The following HS3ST4 variants were observed in gnomAD, a reference collection of about 807,000 sequenced individuals.
The protein encoded by HS3ST4 is heparan sulfate glucosamine 3-O-sulfotransferase 4.
HS3ST4 carries 17 observed loss-of-function variants against 29.2 expected under a neutral mutation model. That is an observed-to-expected ratio of 0.58 (90% CI 0.40 to 0.87). The LOEUF (loss-of-function observed/expected upper bound fraction) is 0.87, where lower values mean the gene tolerates loss of function less well. HS3ST4 is among the 40% of genes least tolerant of loss of function. HS3ST4 has a pLI of 0.00. For missense variants in HS3ST4, 627 were observed against 634.5 expected (o/e 0.99, Z 0.13); for synonymous variants, 314 against 285.7 (o/e 1.10, Z -1.00).
chr16:25,859,606 C>T (rs1025830455), intron 1 of HS3ST4, among the ~76,000 whole-genome samples: 1 of 152,134 alleles, frequency 6.6e-6, no homozygotes, highest in Non-Finnish European at 1.5e-5. Context: ...TTTTGAGCAT[C>T]CTGTCTTGAT....
chr16:26,135,058 C>T (rs1219743498), intron 1 of HS3ST4, among the ~76,000 whole-genome samples: 1 of 151,432 alleles, frequency 6.6e-6, no homozygotes, highest in South Asian at 2.1e-4. Context: ...ACAAATCATT[C>T]TTATCTGTGA....
At chr16:25,920,608 CT>C (rs765957650) in intron 1 of HS3ST4, among the ~76,000 whole-genome samples, 115 of 133,744 alleles carry the variant, frequency 8.6e-4, no homozygotes, top group Middle Eastern at 3.8e-3. Context: ...CCCCACCCCT[CT>C]TTTTTTTTTT....
chr16:25,735,359 G>A lies in HS3ST4; in HGVS notation c.734+42208G>A, dbSNP rs115433479. 5.1e-3 allele frequency among the ~76,000 whole-genome samples: 770 copies of A among 152,062 alleles called. 4 individuals are homozygous for A. Among genetic ancestry groups the A allele is most frequent in the African/African-American group, 0.017 (723 of 41,478 alleles). ...TCTTTCCAATTCTTTGCTCTGCTCT[G>A]TGTTGACTCTGTTCTCATGTGTACT... On this transcript the variant is annotated intron_variant, in intron 1 of 1. Coordinates refer to ENST00000331351, the MANE Select transcript of HS3ST4 (RefSeq NM_006040.3).
intron 1 of HS3ST4, among the ~76,000 whole-genome samples, chr16:25,934,646 A>G (rs1430131539): frequency 6.6e-6 from 1 of 152,146 alleles, no homozygotes; most frequent in Non-Finnish European, 1.5e-5. Context: ...GAAATGCAGG[A>G]GACAGCAGAG....
chr16:25,921,310 G>A (rs990224324), intron 1 of HS3ST4, among the ~76,000 whole-genome samples: 1 of 152,202 alleles, frequency 6.6e-6, no homozygotes, highest in African/African-American at 2.4e-5. Flanking sequence ...CCCTCACTAT[G>A]TGTCAGTTAT....
intron 1 of HS3ST4, among the ~76,000 whole-genome samples, chr16:25,920,676 C>T (rs1379262175): frequency 6.7e-6 from 1 of 148,778 alleles, no homozygotes; most frequent in Non-Finnish European, 1.5e-5. Context: ...GGTCATGGCT[C>T]ACTGCAGCCT....
At chr16:26,076,775 AG>A (rs1388654274) in intron 1 of HS3ST4, among the ~76,000 whole-genome samples, 1 of 152,180 alleles carries the variant, frequency 6.6e-6, no homozygotes, top group Non-Finnish European at 1.5e-5. Context: ...TTCATAGAGT[AG>A]GCACTCTGAA....
chr16:25,791,434 TG>T (rs1966868903), intron 1 of HS3ST4, among the ~76,000 whole-genome samples: 1 of 152,130 alleles, frequency 6.6e-6, no homozygotes, highest in Non-Finnish European at 1.5e-5. Flanking sequence ...AACAAAATAT[TG>T]GCTTTTGATT....
At chr16:26,053,912 G>A (rs113320116) in intron 1 of HS3ST4, among the ~76,000 whole-genome samples, 2 of 152,000 alleles carry the variant, frequency 1.3e-5, no homozygotes, top group African/African-American at 4.8e-5. Flanking sequence ...TCATGTGACG[G>A]CAGAAGTGCA....
chr16:25,987,841 G>A (rs142445558), intron 1 of HS3ST4, among the ~76,000 whole-genome samples: 269 of 152,260 alleles, frequency 1.8e-3, no homozygotes, highest in Admixed American at 4.8e-3. Flanking sequence ...CACAATCCCG[G>A]CTCACTGCAA....
chr16:25,954,915 G>T (rs143942371), intron 1 of HS3ST4, among the ~76,000 whole-genome samples: 109 of 152,364 alleles, frequency 7.2e-4, no homozygotes, highest in African/African-American at 2.5e-3. Flanking sequence ...AGCCTGGGAT[G>T]AGAGAGACCA....
At chr16:26,000,602 G>A (rs1344782769) in intron 1 of HS3ST4, among the ~76,000 whole-genome samples, 1 of 152,170 alleles carries the variant, frequency 6.6e-6, no homozygotes, top group East Asian at 1.9e-4. Context: ...GCATTAGTAA[G>A]GAAGGGAGAA....
At chr16:26,065,319 TGCAG>T (rs1484524638) in intron 1 of HS3ST4, among the ~76,000 whole-genome samples, 2 of 152,222 alleles carry the variant, frequency 1.3e-5, no homozygotes, top group Non-Finnish European at 1.5e-5. Flanking sequence ...TCATGTCCTT[TGCAG>T]GGACATGGAT....
chr16:25,836,668 G>A lies in HS3ST4; in HGVS notation c.734+143517G>A, dbSNP rs569140926. On this transcript the variant is annotated intron_variant, in intron 1 of 1. Transcript: ENST00000331351. ...CTGCTTAAGTGACAGTTGAAATGGC[G>A]TGTTTGTCAGCGTAGAAATGAAAAA... Among the ~76,000 whole-genome samples, 17 of 152,270 alleles carry A rather than the reference G, an allele frequency of 1.1e-4. No individual in the cohort carries two copies. In the South Asian group the frequency reaches 2.5e-3, roughly 22 times the overall value.
chr16:25,898,532 A>T (rs532032465), intron 1 of HS3ST4, among the ~76,000 whole-genome samples: 1 of 152,224 alleles, frequency 6.6e-6, no homozygotes, highest in Non-Finnish European at 1.5e-5. Context: ...TATACCACGT[A>T]TGCCATATGT....
chr16:25,728,138 A>T (rs537887914), intron 1 of HS3ST4, among the ~76,000 whole-genome samples: 1 of 152,072 alleles, frequency 6.6e-6, no homozygotes, highest in South Asian at 2.1e-4. Context: ...AGTAGCTGGG[A>T]TTACAGGCAC....
At chr16:25,979,702 C>T (rs865984774) in intron 1 of HS3ST4, among the ~76,000 whole-genome samples, 2 of 152,136 alleles carry the variant, frequency 1.3e-5, no homozygotes, top group Admixed American at 6.5e-5. Flanking sequence ...CAGTGTAATG[C>T]GCTTGAATCA....
chr16:25,723,125 C>T (rs188765058), intron 1 of HS3ST4, among the ~76,000 whole-genome samples: 1 of 152,264 alleles, frequency 6.6e-6, no homozygotes, highest in African/African-American at 2.4e-5. Flanking sequence ...CAGTTATCTC[C>T]CCGGGTCCCT....
At chr16:25,756,442 G>C (rs1269954971) in intron 1 of HS3ST4, among the ~76,000 whole-genome samples, 1 of 152,100 alleles carries the variant, frequency 6.6e-6, no homozygotes, top group East Asian at 1.9e-4. Flanking sequence ...TCCAGTTGAG[G>C]GATGATTAAG....
Sources: allele counts gnomAD v4.1 joint callset (sites outside exome capture counted in the v4.1 genomes callset), GRCh38; gene constraint gnomAD v4.1.1; transcripts MANE v1.5; gene names NCBI Gene and HGNC (gene_info 2026-07-23, HGNC 2026-07-21).